The following PCNX2 variants were observed in gnomAD, a reference collection of about 807,000 sequenced individuals.
PCNX2 encodes pecanex-like protein 2.
A neutral mutation model predicts 223.8 loss-of-function variants in PCNX2; 168 were observed. The ratio of observed to expected loss-of-function variants is 0.75; its 90% CI spans 0.66 to 0.85. PCNX2 has a LOEUF of 0.85. PCNX2 is among the 40% of genes least tolerant of loss of function. The pLI is 0.00. For missense variants in PCNX2, 2,507 were observed against 2,675.5 expected (o/e 0.94, Z 1.39); for synonymous variants, 1,006 against 1,052.6 (o/e 0.96, Z 0.86).
chr1:233,270,652 T>C (rs1003829434), intron 1 of PCNX2, among the ~76,000 whole-genome samples: 2 of 152,206 alleles, frequency 1.3e-5, no homozygotes, highest in East Asian at 3.9e-4. Context: ...AAAAGTAGAA[T>C]AGAACACTTT....
intron 32 of PCNX2, among the ~76,000 whole-genome samples, chr1:232,994,341 C>A (rs370558173): frequency 6.6e-6 from 1 of 152,250 alleles, no homozygotes; most frequent in East Asian, 1.9e-4. Flanking sequence ...TAATGACTGA[C>A]CAGCTGGGTG....
chr1:233,275,934 G>A (rs926874595), intron 1 of PCNX2, among the ~76,000 whole-genome samples: 12 of 152,080 alleles, frequency 7.9e-5, no homozygotes, highest in Non-Finnish European at 1.6e-4. Context: ...GAAGGCTGAG[G>A]CAGGAGAATC....
rs202128236 is a variant in PCNX2, at chr1:233,262,166, C to T, written c.360-1G>A. ...GCCATTGTGAATCTGCCTATTATTG[C>T]TAACCCAACATGAGAAACACAAGAG... is the stretch of plus-strand genomic sequence containing the variant. On this transcript the variant is annotated splice_acceptor_variant, in intron 2 of 33. Transcript: ENST00000258229. LOFTEE classifies it high-confidence loss of function. 2.2e-5 allele frequency: 35 copies of T among 1,613,470 alleles called. No individual in the cohort carries two copies. The African/African-American group carries it at 3.7e-4, about 17-fold the overall frequency.
chr1:233,188,173 G>A (rs2477871), intron 15 of PCNX2, among the ~76,000 whole-genome samples: 123,260 of 152,074 alleles, frequency 0.81, 50,323 homozygotes, highest in East Asian at 0.99. Flanking sequence ...AGACTGAAAT[G>A]TCAGTGTTGG....
In PCNX2 at chr1:233,233,689, C is replaced by T. The variant is rs150551285; in HGVS notation, c.2358+3156G>A. ...CTTGCAGAACATTGCGGGGGAAGCA[C>T]TCCCAGAGCTCGTGTGCTGCACTTG... On this transcript the variant is annotated intron_variant, in intron 9 of 33. Coordinates refer to ENST00000258229, the MANE Select transcript of PCNX2 (RefSeq NM_014801.4). Among the ~76,000 whole-genome samples, 56 of 152,112 alleles carry T rather than the reference C, an allele frequency of 3.7e-4. No homozygotes were observed. The East Asian group carries it at 0.01, about 28-fold the overall frequency.
intron 19 of PCNX2, among the ~76,000 whole-genome samples, chr1:233,159,671 T>C (rs548820281): frequency 6.6e-6 from 1 of 152,330 alleles, no homozygotes; most frequent in South Asian, 2.1e-4. Flanking sequence ...TCTAGAAGAC[T>C]TCTTATCTAG....
At chr1:233,235,159 G>A (rs2102959518) in intron 9 of PCNX2, among the ~76,000 whole-genome samples, 1 of 152,260 alleles carries the variant, frequency 6.6e-6, no homozygotes, top group East Asian at 1.9e-4. Flanking sequence ...TGGAAAGGAG[G>A]AGGAGGAGAG....
intron 15 of PCNX2, 95 bp from the exon 16 acceptor site, chr1:233,179,270 G>A: frequency 4.0e-6 from 5 of 1,262,142 alleles, no homozygotes; most frequent in Non-Finnish European, 5.6e-6. Context: ...AGGTCCAGCT[G>A]GATGGATGAG....
At chr1:233,298,182 G>A (rs754521483), upstream of PCNX2, among the ~76,000 whole-genome samples, 14 of 152,090 alleles carry the variant, frequency 9.2e-5, no homozygotes, top group African/African-American at 2.4e-4. Flanking sequence ...AGAGGGCTGT[G>A]AATTACAAGG....
chr1:233,089,696 C>T (rs1673773240), intron 23 of PCNX2, among the ~76,000 whole-genome samples: 1 of 152,148 alleles, frequency 6.6e-6, no homozygotes, highest in Non-Finnish European at 1.5e-5. Flanking sequence ...AGGGATGCTA[C>T]AGACAGGAAA....
At position 233,258,068 on chromosome 1, in the gene PCNX2, A is replaced by G; in HGVS notation, c.1794T>C (p.Asn598=). Residue 598 remains asparagine (N), a synonymous_variant, in exon 5 of 34, where the codon AAT becomes AAC. Coordinates refer to ENST00000258229, the MANE Select transcript of PCNX2 (RefSeq NM_014801.4). ...TSKMTASSQL[N]GSAEQNEESG... is the part of the protein sequence containing the mutation. ...TTTCTTCATTCTGCTCAGCTGAGCC[A>G]TTCAGTTGACTGGATGCCGTCATCT... 6.2e-7 allele frequency: 1 copy of G among 1,614,010 alleles called. No homozygotes were observed.
chr1:233,310,167 C>A, the PCNX2 span, among the ~76,000 whole-genome samples: 12 of 152,174 alleles, frequency 7.9e-5, no homozygotes, highest in East Asian at 2.3e-3. Context: ...ATAGTATTTT[C>A]TGATCATAGT....
chr1:233,322,812 G>A, the PCNX2 span, among the ~76,000 whole-genome samples: 2 of 151,980 alleles, frequency 1.3e-5, no homozygotes, highest in African/African-American at 2.4e-5. Context: ...ACCCAAGAGC[G>A]AAGTTTGCTT....
the PCNX2 span, among the ~76,000 whole-genome samples, chr1:233,320,111 G>A: frequency 6.6e-6 from 1 of 152,116 alleles, no homozygotes; most frequent in African/African-American, 2.4e-5. Context: ...TTTGCAAAAG[G>A]CAAAGCATTT....
At chr1:233,097,222 A>C (rs1674224905) in intron 21 of PCNX2, among the ~76,000 whole-genome samples, 1 of 152,120 alleles carries the variant, frequency 6.6e-6, no homozygotes, top group Admixed American at 6.6e-5. Flanking sequence ...CCTAGCACTG[A>C]GTTTTAGGTG....
At chr1:233,080,779 G>C (rs1316074392) in intron 23 of PCNX2, among the ~76,000 whole-genome samples, 1 of 152,098 alleles carries the variant, frequency 6.6e-6, no homozygotes, top group Non-Finnish European at 1.5e-5. Flanking sequence ...CTATGAATCT[G>C]GGGGAGAAGG....
chr1:233,121,190 T>G (rs962846095), intron 21 of PCNX2, among the ~76,000 whole-genome samples: 2 of 152,102 alleles, frequency 1.3e-5, no homozygotes. Context: ...ACTATCTAAA[T>G]AAATGGAATA....
chr1:233,070,449 A>G (rs1672805288), intron 23 of PCNX2, among the ~76,000 whole-genome samples: 1 of 152,128 alleles, frequency 6.6e-6, no homozygotes, highest in African/African-American at 2.4e-5. Context: ...CAATAATATA[A>G]ATCCAAAAAT....
chr1:232,998,560 C>T, intron 31 of PCNX2, 122 bp from the exon 32 acceptor site: 2 of 968,906 alleles, frequency 2.1e-6, no homozygotes, highest in Non-Finnish European at 1.5e-6. Flanking sequence ...AGTAGCCCAC[C>T]TGGCATGCTG....
Sources: allele counts gnomAD v4.1 joint callset (sites outside exome capture counted in the v4.1 genomes callset), GRCh38; gene constraint gnomAD v4.1.1; transcripts MANE v1.5; gene names NCBI Gene and HGNC (gene_info 2026-07-23, HGNC 2026-07-21).